Variants in EPHA5 observed in about 807,000 individuals in gnomAD.
EPHA5 encodes ephrin type-A receptor 5.
In EPHA5, 60 loss-of-function variants were observed where a neutral mutation model predicts 105.0. The ratio of observed to expected loss-of-function variants is 0.57; its 90% CI spans 0.46 to 0.71. The LOEUF (loss-of-function observed/expected upper bound fraction) is 0.71, where lower values mean the gene tolerates loss of function less well. EPHA5 is among the 30% of genes least tolerant of loss of function. EPHA5 has a pLI of 0.00. For synonymous variants in EPHA5, 513 were observed against 449.1 expected (o/e 1.14, Z -1.80); for missense variants, 1,218 against 1,274.7 (o/e 0.96, Z 0.68).
At chr4:65,464,294 C>T (rs999188401) in intron 5 of EPHA5, among the ~76,000 whole-genome samples, 1 of 151,850 alleles carries the variant, frequency 6.6e-6, no homozygotes, top group Non-Finnish European at 1.5e-5. Context: ...ATTCTTTTTT[C>T]TATTTGGAAC....
chr4:65,324,075 G>T lies in EPHA5; in HGVS notation c.*39C>A. ...TAAATCTCAGTGCTGTTTACAAAGT[G>T]CAGAATCATTCACTTGAAGAAGCGA... On this transcript the variant is annotated 3_prime_UTR_variant, in exon 17 of 17. Coordinates refer to ENST00000613740, the MANE Select transcript of EPHA5 (RefSeq NM_001281766.3). 7.5e-7 allele frequency: 1 copy of T among 1,333,644 alleles called. No homozygotes were observed. Among genetic ancestry groups the T allele is most frequent in the Non-Finnish European group, 1.1e-6 (1 of 927,176 alleles). 82.6% of individuals were successfully genotyped at this position (1,333,644 alleles called of 1,614,324 possible). A position where few individuals can be genotyped will look rare whatever the true frequency, so the allele number is the denominator to read the frequency against.
chr4:65,540,686 T>C (rs1736734071), intron 3 of EPHA5, among the ~76,000 whole-genome samples: 1 of 151,294 alleles, frequency 6.6e-6, no homozygotes, highest in Non-Finnish European at 1.5e-5. Flanking sequence ...AACCCCTGGC[T>C]GGTTTTACCT....
rs773750170 is a variant in EPHA5, at chr4:65,420,438, T to C, written c.1527+3A>G. ...AGGACATTTTTTATTCTGTTAGTCTTACCTTTTCAAAATACTTGATTTCAT... is the reference window on the plus strand; with the variant it reads ...AGGACATTTTTTATTCTGTTAGTCTCACCTTTTCAAAATACTTGATTTCAT... On this transcript the variant is annotated splice_donor_region_variant and intron_variant, in intron 6 of 16. Coordinates refer to ENST00000613740, the MANE Select transcript of EPHA5 (RefSeq NM_001281766.3). The C allele has an allele frequency of 6.3e-7, 1 of 1,580,324 alleles. No individual in the cohort carries two copies.
intron 5 of EPHA5, among the ~76,000 whole-genome samples, chr4:65,432,546 T>TATGTTTTTGTTC (rs1304883797): frequency 6.6e-6 from 1 of 152,048 alleles, no homozygotes; most frequent in East Asian, 1.9e-4. Flanking sequence ...CTGTTTTGTT[T>TATGTTTTTGTTC]ATGTTTTTGT....
rs750310778 is a variant in EPHA5, at chr4:65,584,756, TA to T, written c.910+16884del. 9.2e-5 allele frequency among the ~76,000 whole-genome samples: 14 copies of T among 151,964 alleles called. No individual in the cohort carries two copies. In the East Asian group the frequency reaches 1.5e-3, roughly 17 times the overall value. On this transcript the variant is annotated intron_variant, in intron 3 of 16. Transcript: ENST00000613740. ...TTTGAATCAGTCTCTTTTTACAAGA[TA>T]AAAAGGATCAAGTGCCTAAGTGTTC...
intron 8 of EPHA5, among the ~76,000 whole-genome samples, chr4:65,390,166 T>C (rs1720564470): frequency 6.6e-6 from 1 of 151,984 alleles, no homozygotes; most frequent in African/African-American, 2.4e-5. Context: ...TTCCTAGAAG[T>C]AGCAAAGTAC....
chr4:65,487,160 A>G (rs189314864), intron 5 of EPHA5, among the ~76,000 whole-genome samples: 289 of 152,272 alleles, frequency 1.9e-3, no homozygotes, highest in African/African-American at 6.4e-3. Flanking sequence ...TTTATAAATT[A>G]CCCAGTCTCA....
intron 3 of EPHA5, among the ~76,000 whole-genome samples, chr4:65,545,636 T>C (rs1410703979): frequency 6.6e-6 from 1 of 151,954 alleles, no homozygotes; most frequent in African/African-American, 2.4e-5. Context: ...TCAGCCTAAC[T>C]GAATATGAAT....
chr4:65,656,576 T>TTATATATATATTATATATATATAA (rs1553962449), intron 1 of EPHA5, among the ~76,000 whole-genome samples: 119 of 147,548 alleles, frequency 8.1e-4, no homozygotes, highest in Non-Finnish European at 1.3e-3. Flanking sequence ...ATGTAGCATT[T>TTATATATATATTATATATATATAA]TATATATATA....
chr4:65,477,100 A>T (rs545044379), intron 5 of EPHA5, among the ~76,000 whole-genome samples: 93 of 152,334 alleles, frequency 6.1e-4, no homozygotes, highest in Non-Finnish European at 9.6e-4. Flanking sequence ...AAAAGATTCC[A>T]GAAAAATAGA....
chr4:65,449,884 C>T (rs141012600), intron 5 of EPHA5, among the ~76,000 whole-genome samples: 1 of 151,958 alleles, frequency 6.6e-6, no homozygotes, highest in Admixed American at 6.6e-5. Flanking sequence ...TGAAACAGGT[C>T]CTCCTTTAGT....
intron 3 of EPHA5, among the ~76,000 whole-genome samples, chr4:65,555,384 A>T (rs1252143363): frequency 6.6e-6 from 1 of 152,018 alleles, no homozygotes; most frequent in Non-Finnish European, 1.5e-5. Context: ...AATTTACCTT[A>T]CAAGAAAATG....
chr4:65,621,020 C>T (rs1346404021), intron 2 of EPHA5, among the ~76,000 whole-genome samples: 2 of 151,928 alleles, frequency 1.3e-5, no homozygotes, highest in Non-Finnish European at 2.9e-5. Context: ...CTCTATGGAC[C>T]AAGTTACCAT....
chr4:65,543,324 C>T (rs921661402), intron 3 of EPHA5, among the ~76,000 whole-genome samples: 3 of 151,968 alleles, frequency 2.0e-5, no homozygotes, highest in Non-Finnish European at 4.4e-5. Context: ...TAGAAAACCC[C>T]ATCATCTCAG....
intron 3 of EPHA5, among the ~76,000 whole-genome samples, chr4:65,527,734 G>T (rs1229370943): frequency 6.6e-6 from 1 of 151,952 alleles, no homozygotes; most frequent in Non-Finnish European, 1.5e-5. Flanking sequence ...GTGCAGGTTT[G>T]TTACACAGGT....
chr4:65,332,172 C>T (rs755361115), intron 15 of EPHA5, 44 bp from the exon 16 acceptor site: 2 of 1,458,010 alleles, frequency 1.4e-6, no homozygotes, highest in Non-Finnish European at 1.8e-6. Flanking sequence ...CAATTTAATT[C>T]TTTTATAACA....
At chr4:65,478,664 G>C (rs1730062769) in intron 5 of EPHA5, among the ~76,000 whole-genome samples, 1 of 152,128 alleles carries the variant, frequency 6.6e-6, no homozygotes, top group South Asian at 2.1e-4. Flanking sequence ...TAGAGATGGG[G>C]TTCCGCCATG....
chr4:65,610,712 CAT>C (rs1380404473), intron 2 of EPHA5, among the ~76,000 whole-genome samples: 5 of 152,056 alleles, frequency 3.3e-5, no homozygotes, highest in Non-Finnish European at 7.4e-5. Context: ...TAAATGATCT[CAT>C]TATTGTTTTA....
chr4:65,598,108 T>G (rs1477710548), intron 3 of EPHA5, among the ~76,000 whole-genome samples: 7 of 152,202 alleles, frequency 4.6e-5, no homozygotes, highest in African/African-American at 1.7e-4. Context: ...TAATATAGTT[T>G]GGTTATCAAG....
Sources: gnomAD v4.1 joint callset for allele counts (sites outside exome capture counted in the v4.1 genomes callset) on GRCh38, gnomAD v4.1.1 for gene constraint, MANE v1.5 for transcripts, NCBI Gene and HGNC (gene_info 2026-07-23, HGNC 2026-07-21) for gene names.